The following CELSR2 variants were observed in gnomAD, a reference collection of about 807,000 sequenced individuals.
CELSR2 encodes the protein EGF-like protein 2.
CELSR2 carries 81 observed loss-of-function variants against 251.6 expected under a neutral mutation model. That is an observed-to-expected ratio of 0.32 (90% CI 0.27 to 0.39). The LOEUF (loss-of-function observed/expected upper bound fraction) is 0.39, where lower values mean the gene tolerates loss of function less well. CELSR2 is among the 10% of genes least tolerant of loss of function. CELSR2 has a pLI of 1.00. For missense variants in CELSR2, 3,365 were observed against 3,947.7 expected, an observed-to-expected ratio of 0.85 and a Z score of 3.96; for synonymous variants, 1,721 against 1,670.5, an observed-to-expected ratio of 1.03 and a Z score of -0.74.
Position 109,272,386 on chromosome 1 carries a change from T to C in CELSR2, c.8035T>C (p.Tyr2679His). 1.2e-6 allele frequency: 2 copies of C among 1,610,294 alleles called. No homozygotes were observed. The highest frequency in any genetic ancestry group is 1.7e-6 in the Non-Finnish European group (2 of 1,177,328). The change falls in exon 29 of 34, where the codon TAC becomes CAC. Residue 2679 changes from tyrosine (Y) to histidine (H), a missense_variant. Physicochemically the swap from Tyr to His is moderately conservative, Grantham distance 83 (BLOSUM62 2). Around this residue, in one of 5 missense-constraint regions of CELSR2, gnomAD observed 2,093 missense variants for 2,382.8 expected, o/e 0.88. Coordinates refer to ENST00000271332, the MANE Select transcript of CELSR2 (RefSeq NM_001408.3). ...TCGCTCGGGCAAGAGTCAGCCCAGC[T>C]ACATCCCCTTCTTGCTGAGGTGAAT... Reference protein sequence around the residue: ...TSRSGKSQPSYIPFLLREESA... With the variant: ...TSRSGKSQPSHIPFLLREESA...
In CELSR2 at chr1:109,261,101, G is replaced by C. The variant is rs983447224; in HGVS notation, c.4018G>C (p.Gly1340Arg). ...TTGCACCCCGGGTGTCTGCAAGAAT[G>C]GGGGCACCTGTGTCAACCTGCTGGT... ...GRCTPGVCKN[G>R]GTCVNLLVGG... Residue 1340 changes from glycine (G) to arginine (R), a missense_variant, in exon 3 of 34, where the codon GGG (glycine) becomes CGG (arginine). Transcript: ENST00000271332. This position sits in a 1 kb window ranked among gnomAD's most constrained non-coding sequence, Gnocchi z 4.8. 2.5e-6 allele frequency: 4 copies of C among 1,614,128 alleles called. No homozygotes were observed. Among genetic ancestry groups the C allele is most frequent in the Middle Eastern group, 1.7e-4 (1 of 6,060 alleles).
At position 109,270,021 on chromosome 1, in the gene CELSR2, C is replaced by G. The variant is rs1166060657; in HGVS notation, c.7196C>G (p.Thr2399Ser). Reference protein sequence around the residue: ...AALLLTFFFLTLLRILRSNQH... With the variant: ...AALLLTFFFLSLLRILRSNQH... ...CTTCTGCTCACCTTCTTCTTCCTCA[C>G]TCTCTTGCGTATCCTGCGCTCCAAC... The change falls in exon 23 of 34, where the codon ACT becomes AGT. Residue 2399 changes from threonine (T) to serine (S), a missense_variant. Physicochemically the swap from Thr to Ser is moderately conservative, Grantham distance 58. Coordinates refer to ENST00000271332, the MANE Select transcript of CELSR2 (RefSeq NM_001408.3). 2 of 1,614,028 alleles carry G rather than the reference C, an allele frequency of 1.2e-6. No individual in the cohort carries two copies. Among genetic ancestry groups the G allele is most frequent in the Non-Finnish European group, 1.7e-6 (2 of 1,180,036 alleles).
chr1:109,251,238 C>A lies in CELSR2; in HGVS notation c.1159C>A (p.Leu387Ile). 3 of 1,614,108 alleles carry A rather than the reference C, an allele frequency of 1.9e-6. No individual in the cohort carries two copies. The highest frequency in any genetic ancestry group is 2.5e-6 in the Non-Finnish European group (3 of 1,180,018). The part of the protein sequence containing the change: ...GPRSTTAAVF[L>I]SVEDDNDNAP... ...TCGGAGTACCACAGCCGCTGTTTTCCTTTCTGTGGAGGATGACAATGATAA... is the reference window on the plus strand; with the variant it reads ...TCGGAGTACCACAGCCGCTGTTTTCATTTCTGTGGAGGATGACAATGATAA... Residue 387 changes from leucine to isoleucine, a missense_variant, in exon 1 of 34, where the codon CTT becomes ATT. By Grantham distance (5) the Leu-to-Ile change is conservative (BLOSUM62 2). Around this residue, in one of 5 missense-constraint regions of CELSR2, gnomAD observed 704 missense variants for 784.1 expected, o/e 0.90. Coordinates refer to ENST00000271332, the MANE Select transcript of CELSR2 (RefSeq NM_001408.3). The surrounding 1 kb of genome is among the most constrained non-coding windows in gnomAD (Gnocchi z 4.9).
rs148282154 is a variant in CELSR2 at position 109,264,951 on chromosome 1, C to T, written c.5548C>T (p.Pro1850Ser). 43 of 1,614,036 alleles carry T rather than the reference C, an allele frequency of 2.7e-5. No individual in the cohort carries two copies. Among genetic ancestry groups the T allele is most frequent in the Middle Eastern group, 1.6e-4 (1 of 6,084 alleles). ...QSVCTRKPSA[P>S]HGYTCECPPN... is the part of the protein sequence containing the mutation. Reference sequence around the variant, plus strand: ...TGTGTGTACCCGCAAGCCCAGTGCCCCCCATGGCTATACCTGCGAGTGTCC... The same window carrying T: ...TGTGTGTACCCGCAAGCCCAGTGCCTCCCATGGCTATACCTGCGAGTGTCC... Residue 1850 changes from proline to serine, a missense_variant, in exon 12 of 34, where the codon CCC becomes TCC. This residue lies in a region of CELSR2 where 2,093 missense variants were observed against 2,382.8 expected (regional missense o/e 0.88). Transcript: ENST00000271332.
At chr1:109,266,314 TC>T in intron 15 of CELSR2, 108 bp downstream of exon 15, 1 of 1,330,002 alleles carries the variant, frequency 7.5e-7, no homozygotes, top group Non-Finnish European at 1.0e-6. Context: ...CTTTCTGGCC[TC>T]CAGGTCCTGG....
At chr1:109,259,318 G>A (rs1655954430) in intron 2 of CELSR2, among the ~76,000 whole-genome samples, 1 of 152,244 alleles carries the variant, frequency 6.6e-6, no homozygotes, top group African/African-American at 2.4e-5. Context: ...GGCAGAGCTG[G>A]CTCCAGAGCC....
In CELSR2 at chr1:109,272,996, A is replaced by G. The variant is rs1363534494; in HGVS notation, c.8307A>G (p.Ala2769=). ...GGGATAGCCTGCTGGGGCCTGGAGCAGAGAGACTGCCCCTGCACAGTACTC... is the reference window on the plus strand; with the variant it reads ...GGGATAGCCTGCTGGGGCCTGGAGCGGAGAGACTGCCCCTGCACAGTACTC... ...QGWDSLLGPG[A]ERLPLHSTPK... Residue 2769 remains alanine, a synonymous_variant, in exon 31 of 34, where the codon GCA becomes GCG. Transcript: ENST00000271332. 6.2e-7 allele frequency: 1 copy of G among 1,613,518 alleles called. No homozygotes were observed. The highest frequency in any genetic ancestry group is 1.3e-5 in the African/African-American group (1 of 74,942).
In CELSR2 at chr1:109,259,039, C is replaced by G. The variant is rs753949408; in HGVS notation, c.3918C>G (p.Arg1306=). ...GCCCCCACGGGCGCTGCCGCAGCCG[C>G]GAGGGCGGCTACACCTGCCTCTGTC... ...PCGPHGRCRS[R]EGGYTCLCRD... is the part of the protein sequence containing the mutation. The change falls in exon 2 of 34, where the codon CGC becomes CGG. Residue 1306 remains arginine, a synonymous_variant. Coordinates refer to ENST00000271332, the MANE Select transcript of CELSR2 (RefSeq NM_001408.3). 7 of 1,594,534 alleles carry G rather than the reference C, an allele frequency of 4.4e-6. No individual in the cohort carries two copies. The South Asian group carries it at 7.8e-5, about 18-fold the overall frequency.
rs200405611 is a variant in CELSR2, at chr1:109,251,477, G to A, written c.1398G>A (p.Thr466=). Residue 466 remains threonine (T), a synonymous_variant, in exon 1 of 34, where the codon ACG becomes ACA. Transcript: ENST00000271332. This position sits in a 1 kb window ranked among gnomAD's most constrained non-coding sequence, Gnocchi z 4.9. ...LDVVSPLDYE[T]TKEYTLRVRA... ...TGGTGAGCCCTCTTGACTATGAGAC[G>A]ACCAAGGAGTACACCCTACGGGTGC... 8.7e-6 allele frequency: 14 copies of A among 1,613,758 alleles called. No homozygotes were observed. The highest frequency in any genetic ancestry group is 3.3e-5 in the South Asian group (3 of 91,078).
intron 14 of CELSR2, 74 bp downstream of exon 14, chr1:109,265,992 G>A (rs1228748103): frequency 2.5e-6 from 4 of 1,582,060 alleles, no homozygotes; most frequent in South Asian, 1.1e-5. Flanking sequence ...AAGCCAGGAA[G>A]GGGCTGGTTG....
Position 109,261,824 on chromosome 1 carries a change from G to C in CELSR2, c.4314G>C (p.Thr1438=). 1 of 1,594,038 alleles carries C rather than the reference G, an allele frequency of 6.3e-7. No homozygotes were observed. Among genetic ancestry groups the C allele is most frequent in the Non-Finnish European group, 8.6e-7 (1 of 1,168,788 alleles). The stretch of plus-strand genomic sequence containing the variant: ...TTTCCCCAGGGGAGTCAACCACCAC[G>C]GTGTCCCCATTCGTGCCCGGAGGAG... ...LTFSAGESTT[T]VSPFVPGGVS... is the part of the protein sequence containing the mutation. The change falls in exon 5 of 34, where the codon ACG becomes ACC. Residue 1438 remains threonine (T), a synonymous_variant. Transcript: ENST00000271332. The surrounding 1 kb of genome is among the most constrained non-coding windows in gnomAD (Gnocchi z 4.8).
rs760551249 is a variant in CELSR2 at position 109,252,123 on chromosome 1, G to T, written c.2044G>T (p.Val682Leu). ...GGACTACAAACTTGAGCGGCAGTAT[G>T]TGTTGGCTGTTACCGCCTCCGATGG... ...PLDYKLERQY[V>L]LAVTASDGTR... The change falls in exon 1 of 34, where the codon GTG becomes TTG. Residue 682 changes from valine to leucine, a missense_variant. Coordinates refer to ENST00000271332, the MANE Select transcript of CELSR2 (RefSeq NM_001408.3). The surrounding 1 kb of genome is among the most constrained non-coding windows in gnomAD (Gnocchi z 4.8). 6.2e-7 allele frequency: 1 copy of T among 1,613,976 alleles called. No individual in the cohort carries two copies. Among genetic ancestry groups the T allele is most frequent in the African/African-American group, 1.3e-5 (1 of 74,912 alleles).
chr1:109,270,228 A>C, intron 23 of CELSR2, 95 bp downstream of exon 23: 4 of 1,391,462 alleles, frequency 2.9e-6, no homozygotes, highest in Non-Finnish European at 4.0e-6. Flanking sequence ...CATGAACTCT[A>C]ATAAGGTGCC....
chr1:109,251,688 A>G lies in CELSR2; in HGVS notation c.1609A>G (p.Asn537Asp). The change falls in exon 1 of 34, where the codon AAT becomes GAT. Residue 537 changes from asparagine (N) to aspartate (D), a missense_variant. Physicochemically the swap from Asn to Asp is conservative, Grantham distance 23. Around this residue, in one of 5 missense-constraint regions of CELSR2, gnomAD observed 704 missense variants for 784.1 expected, o/e 0.90. Transcript: ENST00000271332. The surrounding 1 kb of genome is among the most constrained non-coding windows in gnomAD (Gnocchi z 4.9). Reference protein sequence around the residue: ...VQAIDADAGDNARLEYRLAGV... With the variant: ...VQAIDADAGDDARLEYRLAGV... Reference sequence around the variant, plus strand: ...GGCTATCGACGCTGATGCTGGTGACAATGCCCGCCTGGAATACCGCCTTGC... The same window carrying G: ...GGCTATCGACGCTGATGCTGGTGACGATGCCCGCCTGGAATACCGCCTTGC... 1 of 1,614,038 alleles carries G rather than the reference A, an allele frequency of 6.2e-7. No homozygotes were observed. The highest frequency in any genetic ancestry group is 8.5e-7 in the Non-Finnish European group (1 of 1,180,012).
Position 109,258,994 on chromosome 1 carries a change from C to T in CELSR2, c.3873C>T (p.Leu1291=), listed in dbSNP as rs1570781386. Residue 1291 remains leucine, a synonymous_variant, in exon 2 of 34, where the codon CTC becomes CTT. Transcript: ENST00000271332. Reference sequence around the variant, plus strand: ...ACTACTGCGAGACCGAGGTGGACCTCTGCTACTCGCGGCCCTGTGGCCCCC... The same window carrying T: ...ACTACTGCGAGACCGAGGTGGACCTTTGCTACTCGCGGCCCTGTGGCCCCC... ...TGDYCETEVD[L]CYSRPCGPHG... The T allele has an allele frequency of 1.9e-6, 3 of 1,607,210 alleles. No individual in the cohort carries two copies. Among genetic ancestry groups the T allele is most frequent in the African/African-American group, 1.3e-5 (1 of 74,918 alleles).
At position 109,258,426 on chromosome 1, in the gene CELSR2, C is replaced by T. The variant is rs1488352194; in HGVS notation, c.3311-6C>T. 1.3e-6 allele frequency: 2 copies of T among 1,562,038 alleles called. No homozygotes were observed. The highest frequency in any genetic ancestry group is 1.4e-5 in the African/African-American group (1 of 73,970). Reference sequence around the variant, plus strand: ...GGCTGGGTCCTGACTGTGTCCCTCTCCACAGACGGCGTACACAGCGTGACC... The same window carrying T: ...GGCTGGGTCCTGACTGTGTCCCTCTTCACAGACGGCGTACACAGCGTGACC... On this transcript the variant is annotated splice_polypyrimidine_tract_variant and splice_region_variant and intron_variant, in intron 1 of 33. Transcript: ENST00000271332.
At position 109,269,699 on chromosome 1, in the gene CELSR2, G is replaced by A. The variant is rs147655719; in HGVS notation, c.6986G>A (p.Ser2329Asn). ...CVFWNHSILV[S>N]GTGGWSARGC... is the part of the protein sequence containing the mutation. ...ACCCTGCCTTCCTCACACAGGGTCA[G>A]TGGCACAGGTGGCTGGTCGGCCAGA... Residue 2329 changes from serine to asparagine, a missense_variant, in exon 22 of 34, where the codon AGT becomes AAT. Transcript: ENST00000271332. The surrounding 1 kb of genome is among the most constrained non-coding windows in gnomAD (Gnocchi z 6.4). 1,580 of 1,614,118 alleles carry A rather than the reference G, an allele frequency of 9.8e-4. 16 individuals are homozygous for A. The highest frequency in any genetic ancestry group is 5.6e-4 in the East Asian group (25 of 44,874).
rs779514429 is a variant in CELSR2 at position 109,261,645 on chromosome 1, C to T, written c.4297+17C>T. The T allele has an allele frequency of 1.3e-6, 2 of 1,597,036 alleles. No individual in the cohort carries two copies. Among genetic ancestry groups the T allele is most frequent in the East Asian group, 4.5e-5 (2 of 44,784 alleles). On this transcript the variant is annotated intron_variant, in intron 4 of 33. Coordinates refer to ENST00000271332, the MANE Select transcript of CELSR2 (RefSeq NM_001408.3). The surrounding 1 kb of genome is among the most constrained non-coding windows in gnomAD (Gnocchi z 4.8). Reference sequence around the variant, plus strand: ...TCTCTGCAGGTGATCACAGTTGCCCCCCATCCTTGCCCATCTTCCAAAGGC... The same window carrying T: ...TCTCTGCAGGTGATCACAGTTGCCCTCCATCCTTGCCCATCTTCCAAAGGC...
chr1:109,272,158 C>A, intron 28 of CELSR2, 120 bp from the exon 29 acceptor site: 1 of 1,328,864 alleles, frequency 7.5e-7, no homozygotes, highest in Non-Finnish European at 1.0e-6. Context: ...AGGGCCCTCT[C>A]TTTCAGACCT....
Sources: allele counts gnomAD v4.1 joint callset (sites outside exome capture counted in the v4.1 genomes callset), GRCh38; gene constraint gnomAD v4.1.1; regional missense constraint gnomAD v4.1.1; non-coding constraint Gnocchi (gnomAD v3.1); transcripts MANE v1.5; gene names NCBI Gene and HGNC (gene_info 2026-07-23, HGNC 2026-07-21).